SBNO2: variants seen among roughly 807,000 people sequenced by gnomAD.
SBNO2 encodes the protein strawberry notch homolog 2, also known as protein strawberry notch homolog 2.
A neutral mutation model predicts 146.3 loss-of-function variants in SBNO2; 89 were observed. The ratio of observed to expected loss-of-function variants is 0.61; its 90% CI spans 0.51 to 0.73. The LOEUF (loss-of-function observed/expected upper bound fraction) is 0.73. Among genes scored for constraint, SBNO2 ranks in the 30% least tolerant of loss-of-function variants. The pLI, the probability that SBNO2 is intolerant of heterozygous loss-of-function variation, is 0.00. For synonymous variants in SBNO2, 1,147 were observed against 892.6 expected (o/e 1.29, Z -5.08); for missense variants, 2,092 against 2,003.7 (o/e 1.04, Z -0.84).
Position 1,117,416 on chromosome 19 carries a change from C to A in SBNO2, c.1611G>T (p.Trp537Cys). 6.3e-7 allele frequency: 1 copy of A among 1,590,476 alleles called. No individual in the cohort carries two copies. ...ACTTGAAGAAGCGCTGGTGTGCCGA[C>A]CAGAACTGGCCCCACAGGGACTTGC... ...ESRKSLWGQFWSAHQRFFKYL... is the reference protein window; with the variant it reads ...ESRKSLWGQFCSAHQRFFKYL... Residue 537 changes from tryptophan to cysteine, a missense_variant, in exon 15 of 32, where the codon TGG (tryptophan) becomes TGT (cysteine). Physicochemically the swap from Trp to Cys is radical, Grantham distance 215. Transcript: ENST00000361757.
At chr19:1,135,955 T>C (rs2080081172) in intron 4 of SBNO2, among the ~76,000 whole-genome samples, 1 of 151,872 alleles carries the variant, frequency 6.6e-6, no homozygotes, top group Non-Finnish European at 1.5e-5. Context: ...GATCATGTCC[T>C]GGCACCTGGA....
intron 19 of SBNO2, among the ~76,000 whole-genome samples, 171 bp downstream of exon 19, chr19:1,113,364 G>A (rs2079790672): frequency 3.3e-5 from 5 of 152,162 alleles, no homozygotes; most frequent in South Asian, 4.1e-4. Context: ...CTCCCGGGCC[G>A]AGCTGGACAG....
At chr19:1,133,962 G>A (rs2080060612) in intron 4 of SBNO2, among the ~76,000 whole-genome samples, 2 of 152,220 alleles carry the variant, frequency 1.3e-5, no homozygotes, top group Admixed American at 1.3e-4. Context: ...GTGCCATCAG[G>A]AGGACCCACA....
At chr19:1,163,575 G>T (rs1380523184) in intron 1 of SBNO2, among the ~76,000 whole-genome samples, 2 of 152,218 alleles carry the variant, frequency 1.3e-5, no homozygotes, top group Non-Finnish European at 2.9e-5. Context: ...GCGGCACGAG[G>T]CTGTCTGTGG....
intron 4 of SBNO2, among the ~76,000 whole-genome samples, chr19:1,139,066 C>T (rs1599857946): frequency 1.3e-5 from 2 of 152,092 alleles, no homozygotes; most frequent in African/African-American, 2.4e-5. Context: ...GTCCTCCACG[C>T]GTCCATCATG....
chr19:1,160,211 A>G (rs2080330827), intron 1 of SBNO2, among the ~76,000 whole-genome samples: 1 of 152,158 alleles, frequency 6.6e-6, no homozygotes, highest in Non-Finnish European at 1.5e-5. Context: ...TGGCAGAGGA[A>G]GAGCAGCCGC....
chr19:1,145,171 AAAAG>A (rs1223233929), intron 4 of SBNO2, among the ~76,000 whole-genome samples: 5 of 151,934 alleles, frequency 3.3e-5, no homozygotes, highest in Non-Finnish European at 7.4e-5. Flanking sequence ...AGAGACAGAG[AAAAG>A]AAAGAGACAG....
intron 1 of SBNO2, among the ~76,000 whole-genome samples, chr19:1,156,594 A>G (rs543030528): frequency 6.6e-6 from 1 of 152,270 alleles, no homozygotes; most frequent in African/African-American, 2.4e-5. Flanking sequence ...CCGAGGAAGC[A>G]GCCCAGTGTC....
chr19:1,113,431 CAG>C (rs1397023529), intron 19 of SBNO2, 102 bp downstream of exon 19: 72 of 1,046,852 alleles, frequency 6.9e-5, no homozygotes, highest in Non-Finnish European at 8.7e-5. Context: ...CGCGGAGACG[CAG>C]AGTGACCAGC....
intron 1 of SBNO2, among the ~76,000 whole-genome samples, chr19:1,164,539 G>A (rs1371894170): frequency 1.5e-4 from 18 of 120,210 alleles, no homozygotes; most frequent in East Asian, 5.4e-4. Context: ...GGAGGAGGAG[G>A]AGGAGGAGGA....
intron 15 of SBNO2, among the ~76,000 whole-genome samples, 187 bp from the exon 16 acceptor site, chr19:1,117,113 G>A (rs1254156721): frequency 1.3e-5 from 2 of 152,194 alleles, no homozygotes; most frequent in African/African-American, 4.8e-5. Flanking sequence ...CCTGTCTCGG[G>A]ATGGTGAGCT....
Position 1,119,021 on chromosome 19 carries a change from G to A in SBNO2, c.1517C>T (p.Ala506Val), listed in dbSNP as rs749184379. 6.3e-7 allele frequency: 1 copy of A among 1,596,144 alleles called. No individual in the cohort carries two copies. The highest frequency in any genetic ancestry group is 8.5e-7 in the Non-Finnish European group (1 of 1,173,616). The change falls in exon 14 of 32, where the codon GCG becomes GTG. Residue 506 changes from alanine (A) to valine (V), a missense_variant. By Grantham distance (64) the Ala-to-Val change is moderately conservative. Coordinates refer to ENST00000361757, the MANE Select transcript of SBNO2 (RefSeq NM_014963.3). ...APAFECVYNR[A>V]ALLWAEALNV... ...GGTGCGCAGGCTCACCAGCAGGGCC[G>A]CGCGGTTGTAGACGCACTCGAAGGC...
chr19:1,117,956 T>C (rs1252216369), intron 14 of SBNO2, among the ~76,000 whole-genome samples: 4 of 152,140 alleles, frequency 2.6e-5, no homozygotes, highest in African/African-American at 9.7e-5. Context: ...TGCTGCTCCA[T>C]ACCCCAAAGT....
chr19:1,155,784 G>A (rs1372428808), intron 1 of SBNO2, among the ~76,000 whole-genome samples: 1 of 152,224 alleles, frequency 6.6e-6, no homozygotes, highest in African/African-American at 2.4e-5. Flanking sequence ...CAAGGCAGCT[G>A]CTGATACCGG....
chr19:1,123,726 C>A, intron 6 of SBNO2, 87 bp from the exon 7 acceptor site: 1 of 1,347,948 alleles, frequency 7.4e-7, no homozygotes, highest in Non-Finnish European at 1.0e-6. Context: ...GCCAGGCTGA[C>A]CATGGGCAGC....
At chr19:1,122,112 C>T (rs1002776291) in intron 11 of SBNO2, 27 bp downstream of exon 11, 3 of 1,392,128 alleles carry the variant, frequency 2.2e-6, no homozygotes, top group Non-Finnish European at 2.8e-6. Flanking sequence ...TCCAGCCCTC[C>T]CCTCCCGATT....
chr19:1,115,095 A>G (rs930918589), intron 17 of SBNO2, among the ~76,000 whole-genome samples: 2 of 151,010 alleles, frequency 1.3e-5, no homozygotes, highest in African/African-American at 2.4e-5. Flanking sequence ...ACACCTGGCT[A>G]ATTTTTCTAT....
rs768000819 is a variant in SBNO2 at position 1,109,419 on chromosome 19, C to G, written c.3221G>C (p.Arg1074Pro). The G allele has an allele frequency of 6.4e-7, 1 of 1,564,236 alleles. No homozygotes were observed. The highest frequency in any genetic ancestry group is 8.7e-7 in the Non-Finnish European group (1 of 1,155,440). Reference protein sequence around the residue: ...YDGFYLSYKVRGNKPSCLLAE... With the variant: ...YDGFYLSYKVPGNKPSCLLAE... ...CAGCAGGCAGCTGGGCTTGTTACCG[C>G]GGACCTGCGGAGGGGGGCGTTGAGG... Residue 1074 changes from arginine to proline, a missense_variant, in exon 29 of 32, where the codon CGC becomes CCC. Transcript: ENST00000361757. The surrounding 1 kb of genome is among the most constrained non-coding windows in gnomAD (Gnocchi z 4.2).
chr19:1,146,918 T>C (rs1314984491), intron 4 of SBNO2, among the ~76,000 whole-genome samples: 1 of 152,116 alleles, frequency 6.6e-6, no homozygotes, highest in Non-Finnish European at 1.5e-5. Flanking sequence ...AGTTCCGTTT[T>C]CAGGTGGCTG....
Sources: gnomAD v4.1 joint callset for allele counts (sites outside exome capture counted in the v4.1 genomes callset) on GRCh38, gnomAD v4.1.1 for gene constraint, Gnocchi (gnomAD v3.1) non-coding constraint, MANE v1.5 for transcripts, NCBI Gene and HGNC (gene_info 2026-07-23, HGNC 2026-07-21) for gene names.